Variants in CTNNA2 observed in about 807,000 individuals in gnomAD.
CTNNA2 encodes catenin alpha-2.
In CTNNA2, 42 loss-of-function variants were observed where a neutral mutation model predicts 101.0. That is an observed-to-expected ratio of 0.42 (90% CI 0.32 to 0.54). CTNNA2 has a LOEUF of 0.54. Ranked by LOEUF, CTNNA2 falls within the 20% of genes least tolerant of loss-of-function variation. CTNNA2 has a pLI of 0.14. For synonymous variants in CTNNA2, 450 were observed against 456.4 expected, an observed-to-expected ratio of 0.99 and a Z score of 0.18; for missense variants, 871 against 1,223.1, an observed-to-expected ratio of 0.71 and a Z score of 4.29.
intron 7 of CTNNA2, among the ~76,000 whole-genome samples, chr2:80,390,905 G>T (rs1016117911): frequency 1.3e-5 from 2 of 152,084 alleles, no homozygotes; most frequent in Non-Finnish European, 2.9e-5. Flanking sequence ...GCTGACGTGG[G>T]TGGATCACAA....
chr2:79,464,922 A>G (rs867359813), intron 4 of CTNNA2, among the ~76,000 whole-genome samples: 10 of 151,980 alleles, frequency 6.6e-5, no homozygotes, highest in Admixed American at 2.0e-4. Flanking sequence ...ATGTTCTCCC[A>G]TTCTGTAGGT....
At chr2:79,922,229 A>G (rs1686710297) in intron 7 of CTNNA2, among the ~76,000 whole-genome samples, 1 of 152,162 alleles carries the variant, frequency 6.6e-6, no homozygotes, top group Non-Finnish European at 1.5e-5. Flanking sequence ...TTGGAGGCCA[A>G]TATTTTCTTC....
chr2:79,541,225 T>TAC (rs975516157), intron 1 of CTNNA2, among the ~76,000 whole-genome samples: 3 of 149,002 alleles, frequency 2.0e-5, no homozygotes, highest in Non-Finnish European at 3.0e-5. Flanking sequence ...TATATATATG[T>TAC]ACACACACAC....
intron 2 of CTNNA2, among the ~76,000 whole-genome samples, chr2:79,671,534 A>G (rs1374709164): frequency 6.6e-6 from 1 of 152,260 alleles, no homozygotes; most frequent in Non-Finnish European, 1.5e-5. Flanking sequence ...AGAAGAAAGC[A>G]GGGAATCAAG....
At chr2:79,753,347 T>C (rs1214853633) in intron 3 of CTNNA2, among the ~76,000 whole-genome samples, 1 of 152,230 alleles carries the variant, frequency 6.6e-6, no homozygotes, top group Non-Finnish European at 1.5e-5. Flanking sequence ...TTGAAAGCTG[T>C]GCTTTGAATG....
At chr2:79,980,292 C>G (rs556710116) in intron 7 of CTNNA2, among the ~76,000 whole-genome samples, 1 of 152,034 alleles carries the variant, frequency 6.6e-6, no homozygotes, top group East Asian at 1.9e-4. Context: ...TTAACTTGCT[C>G]ATATGAGTAA....
At chr2:79,805,923 G>A (rs1053086658) in intron 3 of CTNNA2, among the ~76,000 whole-genome samples, 2 of 150,092 alleles carry the variant, frequency 1.3e-5, no homozygotes, top group Non-Finnish European at 2.9e-5. Flanking sequence ...GGGCGACAGA[G>A]CAAGACTGTG....
intron 7 of CTNNA2, among the ~76,000 whole-genome samples, chr2:79,919,073 C>A (rs11894161): frequency 0.15 from 23,560 of 152,026 alleles, 2,395 homozygotes; most frequent in East Asian, 0.41. Context: ...GTGGGGCAGG[C>A]GGTTCTTGGC....
At chr2:80,440,483 T>A (rs538864747) in intron 9 of CTNNA2, among the ~76,000 whole-genome samples, 21 of 152,368 alleles carry the variant, frequency 1.4e-4, no homozygotes, top group African/African-American at 5.0e-4. Context: ...GGCTAATCAG[T>A]ATGCCTTCTA....
chr2:79,835,878 G>T (rs533971483), intron 3 of CTNNA2, among the ~76,000 whole-genome samples: 1 of 151,758 alleles, frequency 6.6e-6, no homozygotes, highest in Non-Finnish European at 1.5e-5. Flanking sequence ...TGATCCACCT[G>T]CCTCGGCATC....
At chr2:79,682,387 G>A (rs1683629375) in intron 2 of CTNNA2, among the ~76,000 whole-genome samples, 1 of 138,048 alleles carries the variant, frequency 7.2e-6, no homozygotes, top group Non-Finnish European at 1.5e-5. Context: ...CTCCAGCCTG[G>A]GTGACAGAGC....
intron 2 of CTNNA2, among the ~76,000 whole-genome samples, chr2:79,737,348 CA>C (rs35471827): frequency 0.22 from 21,986 of 99,306 alleles, 1,858 homozygotes; most frequent in Middle Eastern, 0.31. Flanking sequence ...GACTCCGTCT[CA>C]AAAAAAAAAA....
intron 6 of CTNNA2, among the ~76,000 whole-genome samples, chr2:79,908,025 C>G (rs1036397645): frequency 6.6e-6 from 1 of 152,180 alleles, no homozygotes; most frequent in Admixed American, 6.5e-5. Context: ...ACAACCTGAA[C>G]AAACACCCTA....
At chr2:80,201,342 G>A (rs1002352559) in intron 7 of CTNNA2, among the ~76,000 whole-genome samples, 2 of 140,214 alleles carry the variant, frequency 1.4e-5, no homozygotes, top group Non-Finnish European at 3.1e-5. Context: ...ATGTTTTATC[G>A]TATCCACAAT....
intron 14 of CTNNA2, 112 bp from the exon 15 acceptor site, chr2:80,589,192 A>G: frequency 9.8e-7 from 1 of 1,022,422 alleles, no homozygotes; most frequent in Admixed American, 2.6e-5. Context: ...ATGGCAGGGT[A>G]GCTCATAAGC....
intron 2 of CTNNA2, among the ~76,000 whole-genome samples, chr2:79,270,999 G>A (rs1353832053): frequency 6.6e-6 from 1 of 151,962 alleles, no homozygotes; most frequent in Non-Finnish European, 1.5e-5. Flanking sequence ...AACCTGAGCT[G>A]GAAAAGAAAG....
At chr2:80,067,045 T>C (rs372958850) in intron 7 of CTNNA2, among the ~76,000 whole-genome samples, 32 of 152,184 alleles carry the variant, frequency 2.1e-4, no homozygotes, top group East Asian at 1.4e-3. Context: ...ATAGAACTCA[T>C]AGAAGCAGAG....
intron 7 of CTNNA2, among the ~76,000 whole-genome samples, chr2:80,198,189 G>A (rs1212722063): frequency 6.6e-6 from 1 of 152,152 alleles, no homozygotes; most frequent in Non-Finnish European, 1.5e-5. Flanking sequence ...AGTCACCATT[G>A]TTAAAATTCA....
intron 1 of CTNNA2, among the ~76,000 whole-genome samples, chr2:79,640,766 A>T (rs1680396472): frequency 6.6e-6 from 1 of 152,258 alleles, no homozygotes; most frequent in Non-Finnish European, 1.5e-5. Flanking sequence ...AACAACATTT[A>T]GGAAGGGCCT....
Sources: gnomAD v4.1 joint callset for allele counts (sites outside exome capture counted in the v4.1 genomes callset) on GRCh38, gnomAD v4.1.1 for gene constraint, MANE v1.5 for transcripts, NCBI Gene and HGNC (gene_info 2026-07-23, HGNC 2026-07-21) for gene names.